The following LPCAT4 variants were observed in gnomAD, a reference collection of about 807,000 sequenced individuals.
LPCAT4 encodes lysophosphatidylcholine acyltransferase 4.
Under a neutral mutation model 66.5 loss-of-function variants are expected in LPCAT4, and 30 were observed. The ratio of observed to expected loss-of-function variants is 0.45; its 90% CI spans 0.34 to 0.61. The LOEUF (loss-of-function observed/expected upper bound fraction) is 0.61. Ranked by LOEUF, LPCAT4 falls within the 20% of genes least tolerant of loss-of-function variation. The probability of loss-of-function intolerance (pLI) is 0.01; values close to 1 mark genes in which losing one functional copy is unlikely to be tolerated. For missense variants in LPCAT4, 557 were observed against 656.7 expected (o/e 0.85, Z 1.66); for synonymous variants, 253 against 262.1 (o/e 0.97, Z 0.34).
intron 3 of LPCAT4, chr15:34,364,715 A>G (rs1595621869): frequency 2.9e-6 from 1 of 346,052 alleles, no homozygotes; most frequent in Non-Finnish European, 5.2e-6. Flanking sequence ...TGGCCTCCCA[A>G]CGTGCTGGGA....
At chr15:34,362,972 C>T in intron 7 of LPCAT4, 136 bp from the exon 8 acceptor site, 1 of 814,886 alleles carries the variant, frequency 1.2e-6, no homozygotes, top group Middle Eastern at 3.4e-4. Context: ...GGACAGACTC[C>T]TAGCCATACA....
chr15:34,359,667 G>A lies in LPCAT4; in HGVS notation c.1321C>T (p.Leu441=), dbSNP rs1274564503. Residue 441 remains leucine, a synonymous_variant, in exon 13 of 14, where the codon CTG becomes TTG. Transcript: ENST00000314891. ...DGFSTILHLL[L]GSPHPAATAL... ...GTGGCAGCAGGGTGGGGTGAACCCA[G>A]CAGCAGGTGCAGGATGGTGCTGAAG... 6.2e-7 allele frequency: 1 copy of A among 1,613,650 alleles called. No homozygotes were observed. The highest frequency in any genetic ancestry group is 8.5e-7 in the Non-Finnish European group (1 of 1,180,020).
intron 4 of LPCAT4, 34 bp from the exon 5 acceptor site, chr15:34,364,107 G>A (rs370730362): frequency 3.0e-5 from 48 of 1,605,064 alleles, no homozygotes; most frequent in Middle Eastern, 1.7e-4. Flanking sequence ...AGGTGAAGAA[G>A]ACTGAAGAAG....
intron 12 of LPCAT4, 153 bp downstream of exon 12, chr15:34,359,958 C>T (rs532849597): frequency 7.8e-5 from 63 of 804,732 alleles, no homozygotes; most frequent in Non-Finnish European, 1.1e-4. Context: ...AACATAGAGG[C>T]CGGGGGTCTG....
intron 11 of LPCAT4, 35 bp from the exon 12 acceptor site, chr15:34,360,244 C>T (rs1224087910): frequency 2.6e-6 from 4 of 1,512,134 alleles, no homozygotes; most frequent in Admixed American, 1.7e-5. Context: ...AATGCGGGGA[C>T]CCTGCGCCTC....
chr15:34,362,875 C>G (rs774806780), intron 7 of LPCAT4, 39 bp from the exon 8 acceptor site: 1 of 1,604,640 alleles, frequency 6.2e-7, no homozygotes, highest in Non-Finnish European at 8.5e-7. Context: ...CAATCTCTAA[C>G]TATGGGCTCC....
intron 9 of LPCAT4, 28 bp from the exon 10 acceptor site, chr15:34,362,349 G>T: frequency 1.2e-6 from 2 of 1,613,122 alleles, no homozygotes; most frequent in South Asian, 2.2e-5. Flanking sequence ...ATGGGATGGA[G>T]GGTAAGGAAG....
intron 9 of LPCAT4, 59 bp downstream of exon 9, chr15:34,362,513 GC>G: frequency 1.3e-6 from 2 of 1,486,356 alleles, no homozygotes; most frequent in Non-Finnish European, 1.8e-6. Context: ...CCCCCTCCAC[GC>G]CCCTGTGGTT....
At position 34,361,432 on chromosome 15, in the gene LPCAT4, T is replaced by C. The variant is rs756892226; in HGVS notation, c.1111A>G (p.Thr371Ala). The change falls in exon 11 of 14, where the codon ACG becomes GCG. Residue 371 changes from threonine to alanine, a missense_variant. Coordinates refer to ENST00000314891, the MANE Select transcript of LPCAT4 (RefSeq NM_153613.3). ...AAGTAGCCAAAGGCACCAGCCACCGTCTGAGGATCAGAGAGCTGTAGCTGC... is the reference window on the plus strand; with the variant it reads ...AAGTAGCCAAAGGCACCAGCCACCGCCTGAGGATCAGAGAGCTGTAGCTGC... The part of the protein sequence containing the change: ...ARQLQLSDPQ[T>A]VAGAFGYFQQ... 6.2e-7 allele frequency: 1 copy of C among 1,614,196 alleles called. No homozygotes were observed. The highest frequency in any genetic ancestry group is 8.5e-7 in the Non-Finnish European group (1 of 1,180,032).
At chr15:34,360,410 C>T (rs1437363712) in intron 11 of LPCAT4, among the ~76,000 whole-genome samples, 1 of 152,214 alleles carries the variant, frequency 6.6e-6, no homozygotes, top group African/African-American at 2.4e-5. Flanking sequence ...ATCAGGTCAC[C>T]TGGTGACAAA....
In LPCAT4 at chr15:34,358,946, T is replaced by C. The variant is rs1370099834; in HGVS notation, c.*181A>G. The C allele has an allele frequency of 3.2e-5, 10 of 313,410 alleles. No individual in the cohort carries two copies. In the East Asian group the frequency reaches 4.7e-4, roughly 15 times the overall value. 19.4% of individuals were successfully genotyped at this position (313,410 alleles called of 1,614,324 possible). A position where few individuals can be genotyped will look rare whatever the true frequency, so the allele number is the denominator to read the frequency against. On this transcript the variant is annotated 3_prime_UTR_variant, in exon 14 of 14. Coordinates refer to ENST00000314891, the MANE Select transcript of LPCAT4 (RefSeq NM_153613.3). ...TTTTTAATAGATATAGATATAGATT[T>C]ATATTTATATATAAAATAGTTTTTT...
Position 34,359,685 on chromosome 15 carries a change from T to C in LPCAT4, c.1303A>G (p.Thr435Ala), listed in dbSNP as rs766084071. Residue 435 changes from threonine to alanine, a missense_variant, in exon 13 of 14, where the codon ACC becomes GCC. Thr to Ala is a moderately conservative substitution (Grantham distance 58). Coordinates refer to ENST00000314891, the MANE Select transcript of LPCAT4 (RefSeq NM_153613.3). ...GAACCCAGCAGCAGGTGCAGGATGG[T>C]GCTGAAGCCGTCTTTGTACAGCAGG... ...NRLLYKDGFS[T>A]ILHLLLGSPH... is the part of the protein sequence containing the mutation. 6.2e-6 allele frequency: 10 copies of C among 1,613,600 alleles called. No homozygotes were observed. The highest frequency in any genetic ancestry group is 4.5e-5 in the East Asian group (2 of 44,876).
chr15:34,361,512 T>A lies in LPCAT4; in HGVS notation c.1031A>T (p.Asp344Val). The change falls in exon 11 of 14, where the codon GAC becomes GTC. Residue 344 changes from aspartate to valine, a missense_variant. Around this residue, in one of 4 missense-constraint regions of LPCAT4, gnomAD observed 392 missense variants for 473.9 expected, o/e 0.83. Transcript: ENST00000314891. The stretch of plus-strand genomic sequence containing the variant: ...ACTCCGGCCTGGCTCTGCCCCAGCG[T>A]CCACATAGCCAGCGGACAGCCTACG... ...RKAGLSAGYV[D>V]AGAEPGRSRM... 6.2e-7 allele frequency: 1 copy of A among 1,613,918 alleles called. No individual in the cohort carries two copies. Among genetic ancestry groups the A allele is most frequent in the Non-Finnish European group, 8.5e-7 (1 of 1,180,026 alleles).
Position 34,362,563 on chromosome 15 carries a change from G to A in LPCAT4, c.884+10C>T. 6.5e-7 allele frequency: 1 copy of A among 1,539,330 alleles called. No homozygotes were observed. The highest frequency in any genetic ancestry group is 1.3e-5 in the South Asian group (1 of 78,888). On this transcript the variant is annotated intron_variant, in intron 9 of 13. Coordinates refer to ENST00000314891, the MANE Select transcript of LPCAT4 (RefSeq NM_153613.3). ...CAACTGCTCCAGGAAATAGTTTGTG[G>A]GGCACTCACTGTGCCATGACCCTCT...
chr15:34,361,601 C>A, intron 10 of LPCAT4, 69 bp from the exon 11 acceptor site: 1 of 1,588,680 alleles, frequency 6.3e-7, no homozygotes, highest in Admixed American at 1.7e-5. Context: ...AGCAGGACTT[C>A]AGCCCCAGTA....
intron 11 of LPCAT4, among the ~76,000 whole-genome samples, 174 bp from the exon 12 acceptor site, chr15:34,360,383 A>AT (rs1890914951): frequency 6.6e-6 from 1 of 152,238 alleles, no homozygotes; most frequent in African/African-American, 2.4e-5. Flanking sequence ...CTCAGGTCAT[A>AT]GGCTTTCTCA....
chr15:34,361,225 G>A, intron 11 of LPCAT4, 175 bp downstream of exon 11: 2 of 1,488,954 alleles, frequency 1.3e-6, no homozygotes, highest in Non-Finnish European at 1.8e-6. Context: ...CAATGCACTG[G>A]ATGCCTGATT....
rs552199523 is a variant in LPCAT4, at chr15:34,362,412, G to C, written c.885-91C>G. 4 of 1,524,570 alleles carry C rather than the reference G, an allele frequency of 2.6e-6. No homozygotes were observed. In the Admixed American group the frequency reaches 7.0e-5, roughly 27 times the overall value. The allele number at this position is 1,524,570 out of a possible 1,614,324, so 94.4% of individuals were successfully genotyped here. A position where few individuals can be genotyped will look rare whatever the true frequency, so the allele number is the denominator to read the frequency against. ...TGACCCTGGCCCGCTGACTGGAGTA[G>C]ATCAGGCCCCTTTAAATCTCCCTGC... is the stretch of plus-strand genomic sequence containing the variant. On this transcript the variant is annotated intron_variant, in intron 9 of 13. Transcript: ENST00000314891.
intron 9 of LPCAT4, 28 bp downstream of exon 9, chr15:34,362,544 CT>C: frequency 6.5e-7 from 1 of 1,528,404 alleles, no homozygotes; most frequent in Non-Finnish European, 8.8e-7. Context: ...TGTGCAACTG[CT>C]CCAGGAAATA....
Sources: gnomAD v4.1 joint callset for allele counts (sites outside exome capture counted in the v4.1 genomes callset) on GRCh38, gnomAD v4.1.1 for gene constraint, gnomAD v4.1.1 regional missense constraint, MANE v1.5 for transcripts, NCBI Gene and HGNC (gene_info 2026-07-23, HGNC 2026-07-21) for gene names.